Variants in ZNF44 observed in about 807,000 individuals in gnomAD.
The protein encoded by ZNF44 is zinc finger protein 44.
A neutral mutation model predicts 11.7 loss-of-function variants in ZNF44; 9 were observed. The ratio of observed to expected loss-of-function variants is 0.77; its 90% CI spans 0.46 to 1.35. ZNF44 has a LOEUF of 1.35. Ranked by LOEUF, ZNF44 falls within the 40% of genes most tolerant of loss-of-function variation. The pLI is 0.00. For synonymous variants in ZNF44, 224 were observed against 242.7 expected, an observed-to-expected ratio of 0.92 and a Z score of 0.72; for missense variants, 696 against 743.1, an observed-to-expected ratio of 0.94 and a Z score of 0.74.
At chr19:12,293,637 T>A (rs899780634) in intron 1 of ZNF44, among the ~76,000 whole-genome samples, 5 of 152,098 alleles carry the variant, frequency 3.3e-5, no homozygotes, top group Admixed American at 2.6e-4. Context: ...TGACAAAGGG[T>A]TCATAACGTT....
intron 5 of ZNF44, among the ~76,000 whole-genome samples, chr19:12,264,754 G>A (rs1036265494): frequency 2.0e-5 from 3 of 152,016 alleles, no homozygotes; most frequent in African/African-American, 7.3e-5. Context: ...GGAGTGCAGT[G>A]GCACAATCTT....
chr19:12,277,737 T>G (rs1967293494), intron 1 of ZNF44, among the ~76,000 whole-genome samples: 1 of 152,196 alleles, frequency 6.6e-6, no homozygotes, highest in Non-Finnish European at 1.5e-5. Flanking sequence ...AGTGTAGAAC[T>G]CTGATCACCA....
rs893550571 is a variant in ZNF44 at position 12,273,433 on chromosome 19, A to G, written c.822T>C (p.Thr274=). The change falls in exon 4 of 4, where the codon ACT becomes ACC. Residue 274 remains threonine, a synonymous_variant. Transcript: ENST00000355684. The part of the protein sequence containing the change: ...DYSSYLRHER[T]HTGEKPYKCK... ...ATTTGTAGGGTTTCTCTCCAGTGTG[A>G]GTTCTTTCATGTCTTAGATATGAAC... 1.9e-6 allele frequency: 3 copies of G among 1,613,836 alleles called. No homozygotes were observed. Among genetic ancestry groups the G allele is most frequent in the African/African-American group, 2.7e-5 (2 of 74,842 alleles).
At chr19:12,263,084 CTT>C (rs113781753) in intron 5 of ZNF44, among the ~76,000 whole-genome samples, 3 of 143,272 alleles carry the variant, frequency 2.1e-5, no homozygotes, top group Non-Finnish European at 1.5e-5. Context: ...ATTCATCAAT[CTT>C]TTTTTTTTTT....
chr19:12,281,090 TCAA>T (rs1345994290), intron 1 of ZNF44, among the ~76,000 whole-genome samples: 1 of 152,210 alleles, frequency 6.6e-6, no homozygotes, highest in Non-Finnish European at 1.5e-5. Context: ...GCACTATCAA[TCAA>T]CTGGATTTAA....
rs1917510963 is a variant in ZNF44 at position 12,261,549 on chromosome 19, T to C, written c.1912+10938A>G. On this transcript the variant is annotated intron_variant and NMD_transcript_variant, in intron 5 of 7. Coordinates refer to the ZNF44 transcript ENST00000393337. Reference sequence around the variant, plus strand: ...CAGGAGGCTGAGATGGGAGAATCACTTGAGCTCAGTTCAAGGTTACAGAGA... The same window carrying C: ...CAGGAGGCTGAGATGGGAGAATCACCTGAGCTCAGTTCAAGGTTACAGAGA... Among the ~76,000 whole-genome samples the C allele has an allele frequency of 2.0e-5, 3 of 152,244 alleles. No homozygotes were observed. The South Asian group carries it at 6.2e-4, about 32-fold the overall frequency.
chr19:12,244,104 G>A (rs1212465259), downstream of ZNF44, among the ~76,000 whole-genome samples: 2 of 152,040 alleles, frequency 1.3e-5, no homozygotes, highest in African/African-American at 4.8e-5. Flanking sequence ...TCGAACTCCT[G>A]GATTCAAACG....
chr19:12,287,244 ATTC>A (rs758033625), intron 1 of ZNF44, among the ~76,000 whole-genome samples: 1 of 151,506 alleles, frequency 6.6e-6, no homozygotes, highest in African/African-American at 2.4e-5. Context: ...ATATATACAC[ATTC>A]TTCTTTTTTT....
At chr19:12,294,649 A>T in intron 1 of ZNF44, 43 bp downstream of exon 1, 2 of 1,552,066 alleles carry the variant, frequency 1.3e-6, no homozygotes, top group East Asian at 2.5e-5. Context: ...GGTTCCGACC[A>T]GCCCTTCGCC....
upstream of ZNF44, among the ~76,000 whole-genome samples, chr19:12,239,567 C>CCCAGCAAGCCCAGCCCA (rs1599489497): frequency 8.1e-6 from 1 of 123,648 alleles, no homozygotes; most frequent in African/African-American, 3.5e-5. Flanking sequence ...GCCCAAGTTG[C>CCCAGCAAGCCCAGCCCA]ATTTTTTTTT....
chr19:12,274,948 C>T (rs775336818), intron 3 of ZNF44, 25 bp downstream of exon 3: 5 of 1,552,092 alleles, frequency 3.2e-6, no homozygotes, highest in Non-Finnish European at 4.4e-6. Flanking sequence ...AAGGACATCA[C>T]CTGTCTCTTA....
rs1343325479 is a variant in ZNF44 at position 12,230,711 on chromosome 19, A to AT, written n.381-197_381-196insA. Among the ~76,000 whole-genome samples, 6 of 152,174 alleles carry AT rather than the reference A, an allele frequency of 3.9e-5. No individual in the cohort carries two copies. The South Asian group carries it at 1.2e-3, about 32-fold the overall frequency. On this transcript the variant is annotated intron_variant and non_coding_transcript_variant, in intron 2 of 3. Coordinates refer to the ZNF44 transcript ENST00000597563. ...GGTTTCGGCACCAAATGTAAGAGTT[A>AT]GAGGAAAGAAACACGAAATGCAGCT...
intron 2 of ZNF44, among the ~76,000 whole-genome samples, chr19:12,230,682 C>A (rs1014368442): frequency 6.6e-6 from 1 of 152,184 alleles, no homozygotes; most frequent in Non-Finnish European, 1.5e-5. Flanking sequence ...CAGCACCCAT[C>A]CTGGGTTTCG....
Position 12,273,888 on chromosome 19 carries a change from T to C in ZNF44, c.367A>G (p.Arg123Gly). The C allele has an allele frequency of 6.2e-7, 1 of 1,614,194 alleles. No individual in the cohort carries two copies. The highest frequency in any genetic ancestry group is 8.5e-7 in the Non-Finnish European group (1 of 1,180,032). Residue 123 changes from arginine (R) to glycine (G), a missense_variant, in exon 4 of 4, where the codon AGA (arginine) becomes GGA (glycine). Coordinates refer to ENST00000355684, the MANE Select transcript of ZNF44 (RefSeq NM_016264.4). Reference sequence around the variant, plus strand: ...CGGTGTTTGTGTCCAGTATCAACTCTGATGTAGCAATTCAGGGATGAATGA... The same window carrying C: ...CGGTGTTTGTGTCCAGTATCAACTCCGATGTAGCAATTCAGGGATGAATGA... ...MGHSSLNCYI[R>G]VDTGHKHREC...
intron 1 of ZNF44, among the ~76,000 whole-genome samples, chr19:12,282,185 C>T (rs931089477): frequency 1.3e-5 from 2 of 152,070 alleles, no homozygotes; most frequent in African/African-American, 4.8e-5. Context: ...AGCCTCTACA[C>T]CTTTGAGAAA....
At chr19:12,239,736 G>A (rs866304560), upstream of ZNF44, among the ~76,000 whole-genome samples, 1 of 151,630 alleles carries the variant, frequency 6.6e-6, no homozygotes, top group African/African-American at 2.4e-5. Flanking sequence ...ACCACACGCA[G>A]CTAATTTTTG....
chr19:12,248,109 T>G, exon 8 of ZNF44: 1 of 1,306,382 alleles, frequency 7.7e-7, no homozygotes, highest in Non-Finnish European at 1.0e-6. Context: ...TTGTTTACAT[T>G]CATAGCGTTT....
chr19:12,294,780 A>T lies in ZNF44; in HGVS notation c.-86T>A. ...CGACAAAAGCCACCACAGATGTCCC[A>T]GGGCGTCTCTCAGTGACAGAATACG... On this transcript the variant is annotated 5_prime_UTR_variant, in exon 1 of 4. Transcript: ENST00000355684. 6.7e-7 allele frequency: 1 copy of T among 1,483,778 alleles called. No homozygotes were observed. Among genetic ancestry groups the T allele is most frequent in the Non-Finnish European group, 9.1e-7 (1 of 1,104,872 alleles). The allele number at this position is 1,483,778 out of a possible 1,614,324, so 91.9% of individuals were successfully genotyped here.
downstream of ZNF44, among the ~76,000 whole-genome samples, chr19:12,243,089 C>T (rs1176187648): frequency 6.6e-6 from 1 of 152,182 alleles, no homozygotes; most frequent in Non-Finnish European, 1.5e-5. Flanking sequence ...TAACTGAAGA[C>T]TTCAACACTT....
Sources: gnomAD v4.1 joint callset for allele counts (sites outside exome capture counted in the v4.1 genomes callset) on GRCh38, gnomAD v4.1.1 for gene constraint, MANE v1.5 for transcripts, NCBI Gene and HGNC (gene_info 2026-07-23, HGNC 2026-07-21) for gene names.